RNLS: variants seen among roughly 807,000 people sequenced by gnomAD.
RNLS encodes the protein renalase.
A neutral mutation model predicts 39.8 loss-of-function variants in RNLS; 39 were observed. The observed-to-expected ratio is 0.98, with a 90% CI of 0.76 to 1.28. The LOEUF is 1.28. Among genes scored for constraint, RNLS ranks in the 50% most tolerant of loss-of-function variants. The probability of loss-of-function intolerance (pLI) is 0.00; values close to 1 mark genes in which losing one functional copy is unlikely to be tolerated. For missense variants in RNLS, 410 were observed against 413.3 expected, an observed-to-expected ratio of 0.99 and a Z score of 0.07; for synonymous variants, 147 against 150.7, an observed-to-expected ratio of 0.98 and a Z score of 0.18.
intron 4 of RNLS, among the ~76,000 whole-genome samples, chr10:88,462,083 T>C (rs888532595): frequency 6.6e-6 from 1 of 152,084 alleles, no homozygotes; most frequent in Non-Finnish European, 1.5e-5. Context: ...CTATTACTCT[T>C]GAGAATACAT....
At chr10:88,378,023 C>T (rs1373581912) in intron 4 of RNLS, among the ~76,000 whole-genome samples, 3 of 151,474 alleles carry the variant, frequency 2.0e-5, no homozygotes, top group Non-Finnish European at 2.9e-5. Flanking sequence ...GACATAAACA[C>T]ACAGATTAGC....
intron 4 of RNLS, among the ~76,000 whole-genome samples, chr10:88,568,168 A>G (rs1010632648): frequency 1.3e-5 from 2 of 152,158 alleles, no homozygotes; most frequent in Non-Finnish European, 2.9e-5. Flanking sequence ...AGAACATGCC[A>G]TATTTTGTTT....
At chr10:88,205,646 T>A in the RNLS span, among the ~76,000 whole-genome samples, 2 of 152,148 alleles carry the variant, frequency 1.3e-5, no homozygotes, top group Non-Finnish European at 2.9e-5. Flanking sequence ...AAAGGTCTGG[T>A]CCCAAGTGGC....
At chr10:88,223,544 C>G in the RNLS span, among the ~76,000 whole-genome samples, 2 of 152,326 alleles carry the variant, frequency 1.3e-5, no homozygotes, top group Non-Finnish European at 2.9e-5. Context: ...GAAATAGGCA[C>G]AAACCACTGT....
At chr10:88,373,656 G>A (rs950006280) in intron 4 of RNLS, among the ~76,000 whole-genome samples, 3 of 152,008 alleles carry the variant, frequency 2.0e-5, no homozygotes, top group African/African-American at 4.8e-5. Context: ...TGTTTTAAAA[G>A]TTAATTTTAT....
chr10:88,189,005 T>C, the RNLS span, among the ~76,000 whole-genome samples: 1 of 152,224 alleles, frequency 6.6e-6, no homozygotes, highest in African/African-American at 2.4e-5. Flanking sequence ...GTTCTTAAAC[T>C]GGTTCTTTGA....
the RNLS span, among the ~76,000 whole-genome samples, chr10:88,200,133 A>G: frequency 6.6e-6 from 1 of 152,186 alleles, no homozygotes; most frequent in Non-Finnish European, 1.5e-5. Flanking sequence ...TGTCTCAAAA[A>G]TTAAATAAGT....
Position 88,312,096 on chromosome 10 carries a change from C to T in RNLS, c.876+2370G>A, listed in dbSNP as rs79928891. The stretch of plus-strand genomic sequence containing the variant: ...TACCACAGACATCCATGTCTTAATC[C>T]CTGGAACCTACAAATATGTTACGTC... On this transcript the variant is annotated intron_variant, in intron 6 of 6. Transcript: ENST00000331772. 3.7e-3 allele frequency among the ~76,000 whole-genome samples: 569 copies of T among 152,242 alleles called. 1 individual carries two copies. The highest frequency in any genetic ancestry group is 0.02 in the Middle Eastern group (6 of 294).
intron 5 of RNLS, among the ~76,000 whole-genome samples, chr10:88,326,515 A>G (rs999119164): frequency 1.6e-4 from 24 of 152,218 alleles, no homozygotes; most frequent in Non-Finnish European, 3.1e-4. Flanking sequence ...TGTAAGCAGC[A>G]AAGTGTTCAA....
chr10:88,269,711 C>A (rs534075677), downstream of RNLS, among the ~76,000 whole-genome samples: 82 of 152,252 alleles, frequency 5.4e-4, no homozygotes, highest in African/African-American at 1.8e-3. Context: ...TTTGAGGGGG[C>A]CTTAGAGGAA....
chr10:88,500,959 T>C (rs1370484091), intron 4 of RNLS, among the ~76,000 whole-genome samples: 4 of 151,974 alleles, frequency 2.6e-5, no homozygotes, highest in Non-Finnish European at 4.4e-5. Context: ...TAGGGGGAAA[T>C]ATATAATGTG....
chr10:88,394,730 A>T (rs1852442635), intron 4 of RNLS, among the ~76,000 whole-genome samples: 1 of 152,192 alleles, frequency 6.6e-6, no homozygotes, highest in African/African-American at 2.4e-5. Context: ...TGCTGCTATA[A>T]AGACACATGC....
chr10:88,192,456 A>G, the RNLS span, among the ~76,000 whole-genome samples: 1 of 152,260 alleles, frequency 6.6e-6, no homozygotes, highest in South Asian at 2.1e-4. Flanking sequence ...GGGTTGATCA[A>G]AGTCAGACAC....
intron 4 of RNLS, among the ~76,000 whole-genome samples, chr10:88,476,458 TG>T (rs2133998774): frequency 6.6e-6 from 1 of 152,314 alleles, no homozygotes; most frequent in South Asian, 2.1e-4. Context: ...TTATCCATGC[TG>T]TATACCCTTT....
intron 3 of RNLS, among the ~76,000 whole-genome samples, chr10:88,575,167 C>T (rs1427569392): frequency 4.1e-5 from 5 of 121,306 alleles, no homozygotes; most frequent in South Asian, 2.7e-4. Context: ...TATACACACA[C>T]ACACACACAC....
chr10:88,220,456 T>G, the RNLS span, among the ~76,000 whole-genome samples: 3 of 152,176 alleles, frequency 2.0e-5, no homozygotes, highest in Non-Finnish European at 2.9e-5. Context: ...TTCAGCTGCA[T>G]GAAATACAGA....
intron 6 of RNLS, among the ~76,000 whole-genome samples, chr10:88,303,075 T>C (rs1356077167): frequency 6.6e-6 from 1 of 152,208 alleles, no homozygotes; most frequent in African/African-American, 2.4e-5. Flanking sequence ...CTGGCCACAG[T>C]GGCTCCAGGG....
chr10:88,290,344 G>A (rs1589467962), intron 6 of RNLS, among the ~76,000 whole-genome samples: 1 of 152,232 alleles, frequency 6.6e-6, no homozygotes, highest in African/African-American at 2.4e-5. Flanking sequence ...CATGGCAACA[G>A]GTGACATTCA....
In RNLS at chr10:88,373,770, G is replaced by A. The variant is rs963008065; in HGVS notation, c.527-11045C>T. Among the ~76,000 whole-genome samples the A allele has an allele frequency of 3.3e-5, 5 of 151,992 alleles. No homozygotes were observed. The East Asian group carries it at 7.7e-4, about 24-fold the overall frequency. ...TTTTGTTTCCATAATATGAAAATGG[G>A]TGATTGAAATAGGTTTCAATCATTT... is the stretch of plus-strand genomic sequence containing the variant. On this transcript the variant is annotated intron_variant, in intron 4 of 6. Transcript: ENST00000331772.
Sources: allele counts gnomAD v4.1 joint callset (sites outside exome capture counted in the v4.1 genomes callset), GRCh38; gene constraint gnomAD v4.1.1; transcripts MANE v1.5; gene names NCBI Gene and HGNC (gene_info 2026-07-23, HGNC 2026-07-21).